The following ZBED6 variants were observed in gnomAD, a reference collection of about 807,000 sequenced individuals.
ZBED6 encodes the protein zinc finger BED domain-containing protein 6.
In ZBED6, 40 loss-of-function variants were observed where a neutral mutation model predicts 58.4. The observed-to-expected ratio is 0.68, with a 90% CI of 0.53 to 0.89. The LOEUF (loss-of-function observed/expected upper bound fraction) is 0.89, where lower values mean the gene tolerates loss of function less well. ZBED6 is among the 40% of genes least tolerant of loss of function. ZBED6 has a pLI of 0.00. For missense variants in ZBED6, 1,057 were observed against 1,003.9 expected, an observed-to-expected ratio of 1.05 and a Z score of -0.71; for synonymous variants, 439 against 350.6, an observed-to-expected ratio of 1.25 and a Z score of -2.82.
Position 203,841,581 on chromosome 1 carries a change from ATC to A in ZBED6, c.*3741+1213_*3741+1214del, listed in dbSNP as rs768153052. On this transcript the variant is annotated intron_variant, in intron 11 of 16. Transcript: ENST00000550078. ...TCTACACAGACACAGTAACAATCTG[ATC>A]TCTCTTTCTTTTCCCCACATTTCCC... Among the ~76,000 whole-genome samples the A allele has an allele frequency of 2.6e-3, 400 of 152,320 alleles. 2 individuals are homozygous for A. Among genetic ancestry groups the A allele is most frequent in the Admixed American group, 5.2e-3 (80 of 15,296 alleles).
At chr1:203,832,433 T>C (rs1682698628) in intron 8 of ZBED6, among the ~76,000 whole-genome samples, 1 of 152,050 alleles carries the variant, frequency 6.6e-6, no homozygotes, top group African/African-American at 2.4e-5. Context: ...CGATCTCCAC[T>C]CACTGCAACC....
chr1:203,832,991 T>A (rs934694879), intron 8 of ZBED6, among the ~76,000 whole-genome samples: 1 of 152,134 alleles, frequency 6.6e-6, no homozygotes, highest in Non-Finnish European at 1.5e-5. Flanking sequence ...CCCAGCACTT[T>A]GGGAGGCTGA....
intron 9 of ZBED6, among the ~76,000 whole-genome samples, chr1:203,837,456 T>C (rs78861688): frequency 2.0e-5 from 3 of 148,758 alleles, no homozygotes; most frequent in Non-Finnish European, 3.0e-5. Flanking sequence ...TTGTCTCTCT[T>C]TTTTTTTTTT....
exon 14 of ZBED6, chr1:203,849,963 G>A (rs760902650): frequency 3.1e-6 from 5 of 1,614,142 alleles, no homozygotes; most frequent in Admixed American, 3.3e-5. Context: ...AGAAACCTCA[G>A]GGATTGGAGA....
At chr1:203,800,629 AT>A (rs1670277609) in exon 1 of ZBED6, 1 of 598,324 alleles carries the variant, frequency 1.7e-6, no homozygotes, top group African/African-American at 1.9e-5. Context: ...TAAAATGAAG[AT>A]TAAAGATTTC....
intron 2 of ZBED6, among the ~76,000 whole-genome samples, chr1:203,817,348 G>A (rs1676698190): frequency 6.6e-6 from 1 of 151,964 alleles, no homozygotes; most frequent in Non-Finnish European, 1.5e-5. Flanking sequence ...AAAGTGAAAA[G>A]GCACGTGGCA....
chr1:203,802,730 T>TTG (rs141861128), exon 1 of ZBED6: 18,256 of 146,136 alleles, frequency 0.12, 1,518 homozygotes, highest in East Asian at 0.28. Context: ...TTTTGTTTTT[T>TTG]TTTTGTTTTG....
chr1:203,821,246 C>T (rs537263199), intron 3 of ZBED6, among the ~76,000 whole-genome samples: 3 of 152,300 alleles, frequency 2.0e-5, no homozygotes, highest in South Asian at 2.1e-4. Context: ...GTCCTGTTCA[C>T]CTCCTGCCAT....
chr1:203,838,466 G>T (rs542431321), intron 10 of ZBED6, among the ~76,000 whole-genome samples: 1 of 152,334 alleles, frequency 6.6e-6, no homozygotes, highest in South Asian at 2.1e-4. Flanking sequence ...TGAAGTTCGA[G>T]AGCCAGAGAC....
At chr1:203,844,420 T>C (rs1377608629) in intron 11 of ZBED6, among the ~76,000 whole-genome samples, 4 of 152,174 alleles carry the variant, frequency 2.6e-5, no homozygotes, top group Non-Finnish European at 4.4e-5. Flanking sequence ...CTGCCTGCCT[T>C]GGCCTCCCAA....
At chr1:203,796,519 C>T (rs1668554305) in exon 1 of ZBED6, 2 of 398,838 alleles carry the variant, frequency 5.0e-6, no homozygotes, top group African/African-American at 2.1e-5. Flanking sequence ...ATGGGGAAGG[C>T]CTATATTGTT....
rs887744889 is a variant in ZBED6 at position 203,838,009 on chromosome 1, G to A, written c.*3617G>A. 1.1e-5 allele frequency: 17 copies of A among 1,614,072 alleles called. No homozygotes were observed. In the African/African-American group the frequency reaches 1.9e-4, roughly 18 times the overall value. On this transcript the variant is annotated 3_prime_UTR_variant, in exon 10 of 17. Coordinates refer to ENST00000550078, the Ensembl canonical transcript of ZBED6. ...CATTAAAGCGTAGCCTGGCACAGAGGCTAGGGAAGAAAGTTGAAGCTCCAG... is the reference window on the plus strand; with the variant it reads ...CATTAAAGCGTAGCCTGGCACAGAGACTAGGGAAGAAAGTTGAAGCTCCAG...
chr1:203,838,597 T>C (rs1348529517), intron 10 of ZBED6, among the ~76,000 whole-genome samples: 4 of 152,184 alleles, frequency 2.6e-5, no homozygotes, highest in Non-Finnish European at 4.4e-5. Context: ...GATCATAATA[T>C]AGTCTTTAAG....
intron 16 of ZBED6, among the ~76,000 whole-genome samples, 172 bp downstream of exon 16, chr1:203,851,296 T>C (rs1035320350): frequency 6.6e-6 from 1 of 152,198 alleles, no homozygotes; most frequent in African/African-American, 2.4e-5. Context: ...TTTGGTGCCA[T>C]TGTTTACATT....
At chr1:203,821,761 TG>T (rs1678769808) in intron 3 of ZBED6, among the ~76,000 whole-genome samples, 1 of 151,788 alleles carries the variant, frequency 6.6e-6, no homozygotes, top group Non-Finnish European at 1.5e-5. Context: ...TTTTTGGTTT[TG>T]TTTTTTTTTT....
At chr1:203,815,769 G>T (rs1301853881) in intron 1 of ZBED6, among the ~76,000 whole-genome samples, 1 of 152,102 alleles carries the variant, frequency 6.6e-6, no homozygotes, top group African/African-American at 2.4e-5. Context: ...GACTGAATTT[G>T]ATTTAATTGA....
exon 1 of ZBED6, chr1:203,799,740 A>G (rs772684489): frequency 1.3e-6 from 1 of 795,172 alleles, no homozygotes; most frequent in Non-Finnish European, 2.1e-6. Context: ...TCAGGCCCTC[A>G]ATCTGGTGGA....
At chr1:203,797,566 C>T in exon 1 of ZBED6, 2 of 1,531,198 alleles carry the variant, frequency 1.3e-6, no homozygotes, top group African/African-American at 1.4e-5. Flanking sequence ...TCACTCTCTC[C>T]TGGCAGAAGA....
intron 1 of ZBED6, among the ~76,000 whole-genome samples, chr1:203,815,398 T>C (rs1472148832): frequency 7.1e-6 from 1 of 140,354 alleles, no homozygotes; most frequent in African/African-American, 2.6e-5. Flanking sequence ...TTTTTTTTTT[T>C]TTAAGAGATG....
Sources: allele counts gnomAD v4.1 joint callset (sites outside exome capture counted in the v4.1 genomes callset), GRCh38; gene constraint gnomAD v4.1.1; transcripts MANE v1.5; gene names NCBI Gene and HGNC (gene_info 2026-07-23, HGNC 2026-07-21).